SOX6: variants seen among roughly 807,000 people sequenced by gnomAD.
SOX6 encodes SRY-box transcription factor 6, also known as transcription factor SOX-6.
In SOX6, 11 loss-of-function variants were observed where a neutral mutation model predicts 97.8. The ratio of observed to expected loss-of-function variants is 0.11; its 90% CI spans 0.07 to 0.19. The LOEUF (loss-of-function observed/expected upper bound fraction) is 0.19. Among genes scored for constraint, SOX6 ranks in the 10% least tolerant of loss-of-function variants. The pLI is 1.00. For synonymous variants in SOX6, 360 were observed against 371.4 expected (o/e 0.97, Z 0.35); for missense variants, 810 against 1,039.5 (o/e 0.78, Z 3.04).
rs1056031126 is a variant in SOX6, at chr11:16,203,728, G to C, written c.536-16773C>G. On this transcript the variant is annotated intron_variant, in intron 4 of 15. Transcript: ENST00000683767. ...TCAAGAGCAGCTTAGAACACTTAGAGTCAAGAAGAATTCTCTTTGTCAACC... is the reference window on the plus strand; with the variant it reads ...TCAAGAGCAGCTTAGAACACTTAGACTCAAGAAGAATTCTCTTTGTCAACC... Among the ~76,000 whole-genome samples, 2 of 152,038 alleles carry C rather than the reference G, an allele frequency of 1.3e-5. 1 individual carries two copies. Among genetic ancestry groups the C allele is most frequent in the East Asian group, 3.9e-4 (2 of 5,190 alleles).
chr11:16,096,820 T>G (rs569792625), intron 8 of SOX6, among the ~76,000 whole-genome samples: 2 of 152,028 alleles, frequency 1.3e-5, no homozygotes, highest in Admixed American at 1.3e-4. Context: ...TTGTTGATTA[T>G]CTTATATTCT....
intron 3 of SOX6, among the ~76,000 whole-genome samples, chr11:16,306,611 C>CTTTTTTTTTTTTTCTTTTTTTTTTTTTT (rs1855440369): frequency 5.0e-5 from 6 of 120,806 alleles, no homozygotes; most frequent in Admixed American, 1.8e-4. Flanking sequence ...CCTCAAATTT[C>CTTTTTTTTTTTTTCTTTTTTTTTTTTTT]TTTTTTTTTT....
At chr11:16,521,490 T>C (rs1045785921) in intron 4 of SOX6, among the ~76,000 whole-genome samples, 4 of 151,888 alleles carry the variant, frequency 2.6e-5, no homozygotes, top group African/African-American at 9.7e-5. Flanking sequence ...TACATCACCA[T>C]CATCAAAGAC....
chr11:16,361,667 A>G (rs1857214661), intron 1 of SOX6, among the ~76,000 whole-genome samples: 1 of 152,164 alleles, frequency 6.6e-6, no homozygotes, highest in African/African-American at 2.4e-5. Flanking sequence ...GTAATCCTGA[A>G]CCAGTGAAAT....
intron 4 of SOX6, among the ~76,000 whole-genome samples, chr11:16,199,066 C>T (rs1197409775): frequency 6.6e-6 from 1 of 152,106 alleles, no homozygotes. Flanking sequence ...AACTAATAAC[C>T]AACTCTAAAT....
intron 6 of SOX6, among the ~76,000 whole-genome samples, chr11:16,171,198 T>G (rs1253977615): frequency 6.6e-6 from 1 of 151,778 alleles, no homozygotes; most frequent in African/African-American, 2.4e-5. Flanking sequence ...CCCAAAATAA[T>G]AAGAAGCTGG....
At chr11:16,080,716 G>T (rs546738201) in intron 9 of SOX6, among the ~76,000 whole-genome samples, 1 of 152,262 alleles carries the variant, frequency 6.6e-6, no homozygotes, top group Admixed American at 6.5e-5. Flanking sequence ...ATGGGAAGAA[G>T]ACAGGGAGAA....
At chr11:16,496,203 A>C (rs1860592427) in intron 4 of SOX6, among the ~76,000 whole-genome samples, 1 of 152,222 alleles carries the variant, frequency 6.6e-6, no homozygotes, top group Non-Finnish European at 1.5e-5. Context: ...GTCCAATGGA[A>C]AACAATAATT....
intron 3 of SOX6, among the ~76,000 whole-genome samples, chr11:16,677,761 T>A (rs973937780): frequency 2.6e-5 from 4 of 152,072 alleles, no homozygotes; most frequent in Non-Finnish European, 5.9e-5. Flanking sequence ...TCTGGAAGAG[T>A]TTCTGTCTGA....
intron 12 of SOX6, among the ~76,000 whole-genome samples, chr11:16,042,864 T>C (rs1371297658): frequency 3.3e-5 from 5 of 152,152 alleles, no homozygotes. Flanking sequence ...TCAGGACACA[T>C]GTGTACAGAT....
chr11:16,695,872 T>C (rs1051386967), intron 3 of SOX6, among the ~76,000 whole-genome samples: 1 of 151,198 alleles, frequency 6.6e-6, no homozygotes, highest in African/African-American at 2.4e-5. Flanking sequence ...CCAGGCCTGA[T>C]GTTGCATGCC....
At position 15,985,682 on chromosome 11, in the gene SOX6, C is replaced by T. The variant is rs1367900479; in HGVS notation, c.2183+522G>A. Among the ~76,000 whole-genome samples the T allele has an allele frequency of 3.9e-5, 6 of 152,148 alleles. No homozygotes were observed. The East Asian group carries it at 1.2e-3, about 29-fold the overall frequency. ...TTTCTGATTTAAGCAAGAAAATACA[C>T]ATTGTTACTGCTCCCACCACAGAAT... On this transcript the variant is annotated intron_variant, in intron 15 of 15. Transcript: ENST00000683767.
At chr11:16,413,814 C>T (rs1302518866) in intron 1 of SOX6, among the ~76,000 whole-genome samples, 1 of 96,308 alleles carries the variant, frequency 1.0e-5, no homozygotes, top group African/African-American at 4.0e-5. Context: ...GCCACCGCGC[C>T]CGGCCGAGTT....
chr11:16,660,147 T>C (rs945225668), intron 3 of SOX6, among the ~76,000 whole-genome samples: 8 of 152,238 alleles, frequency 5.3e-5, no homozygotes, highest in Non-Finnish European at 1.2e-4. Context: ...ATTTCTTTTC[T>C]TCTGTTTGTT....
chr11:16,158,865 GGTGTGTGTGTGT>G (rs10549567), intron 6 of SOX6, among the ~76,000 whole-genome samples: 3 of 145,912 alleles, frequency 2.1e-5, no homozygotes, highest in Non-Finnish European at 4.6e-5. Flanking sequence ...TGAAGTTACA[GGTGTGTGTGTGT>G]GTGTGTGTGT....
chr11:16,397,820 A>G (rs1858403177), intron 1 of SOX6, among the ~76,000 whole-genome samples: 1 of 151,680 alleles, frequency 6.6e-6, no homozygotes, highest in Non-Finnish European at 1.5e-5. Flanking sequence ...TACAAGATAC[A>G]TGAAGAGAAA....
chr11:16,267,588 G>GT (rs1854118217), intron 3 of SOX6, among the ~76,000 whole-genome samples: 1 of 151,544 alleles, frequency 6.6e-6, no homozygotes, highest in African/African-American at 2.4e-5. Context: ...TTTGTATACT[G>GT]TTAGTGGGTA....
intron 4 of SOX6, among the ~76,000 whole-genome samples, chr11:16,611,106 A>C (rs1299873662): frequency 6.6e-6 from 1 of 152,232 alleles, no homozygotes; most frequent in Non-Finnish European, 1.5e-5. Flanking sequence ...AGCAAAGGCA[A>C]TTCGGCTTTG....
intron 4 of SOX6, among the ~76,000 whole-genome samples, chr11:16,504,250 T>A (rs2133146024): frequency 6.6e-6 from 1 of 151,980 alleles, no homozygotes; most frequent in African/African-American, 2.4e-5. Context: ...GCCAGAACAA[T>A]TAGGCAAGAA....
Sources: gnomAD v4.1 joint callset for allele counts (sites outside exome capture counted in the v4.1 genomes callset) on GRCh38, gnomAD v4.1.1 for gene constraint, MANE v1.5 for transcripts, NCBI Gene and HGNC (gene_info 2026-07-23, HGNC 2026-07-21) for gene names.